The following HRNR variants were observed in gnomAD, a reference collection of about 807,000 sequenced individuals.
The protein encoded by HRNR is filaggrin family member 3.
A neutral mutation model predicts 4.8 loss-of-function variants in HRNR; 7 were observed. The observed-to-expected ratio is 1.47, with a 90% confidence interval of 0.83 to 2.75. The LOEUF is 2.75. HRNR is among the 30% of genes most tolerant of loss of function. The pLI, the probability that HRNR is intolerant of heterozygous loss-of-function variation, is 0.00. For missense variants in HRNR, 2,879 were observed against 3,010.4 expected (o/e 0.96, Z 1.02); for synonymous variants, 1,023 against 1,242.7 (o/e 0.82, Z 3.72).
At position 152,213,121 on chromosome 1, in the gene HRNR, T is replaced by A. The variant is rs1648449190; in HGVS notation, c.8508A>T (p.Ser2836=). Residue 2836 remains serine (S), a synonymous_variant, in exon 3 of 3, where the codon TCA becomes TCT. Coordinates refer to ENST00000368801, the MANE Select transcript of HRNR (RefSeq NM_001009931.3). ...SYFLSFPSST[S]PYEYVQEQRC... ...TCTGCTCTTGGACATATTCATAGGG[T>A]GAAGTGCTACTAGGAAAACTGAGAA... The A allele has an allele frequency of 1.2e-6, 2 of 1,613,912 alleles. No individual in the cohort carries two copies. Among genetic ancestry groups the A allele is most frequent in the Non-Finnish European group, 1.7e-6 (2 of 1,179,978 alleles).
In HRNR at chr1:152,219,182, C is replaced by T. The variant is rs142633454; in HGVS notation, c.2447G>A (p.Gly816Asp). The T allele has an allele frequency of 2.7e-5, 44 of 1,613,864 alleles. No homozygotes were observed. Among genetic ancestry groups the T allele is most frequent in the Non-Finnish European group, 3.2e-5 (38 of 1,180,034 alleles). ...HYESGSGQAS[G>D]FGQHESGSGQ... Reference sequence around the variant, plus strand: ...TGAGCCAGACTCGTGTTGCCCAAAACCAGAAGCCTGGCCTGAGCCAGACTC... The same window carrying T: ...TGAGCCAGACTCGTGTTGCCCAAAATCAGAAGCCTGGCCTGAGCCAGACTC... The change falls in exon 3 of 3, where the codon GGT becomes GAT. Residue 816 changes from glycine to aspartate, a missense_variant. Around this residue, in one of 8 missense-constraint regions of HRNR, gnomAD observed 2,646 missense variants for 1,377.7 expected, o/e 1.92. Transcript: ENST00000368801.
In HRNR at chr1:152,219,120, G is replaced by T. The variant is rs1280570728; in HGVS notation, c.2509C>A (p.His837Asn). The T allele has an allele frequency of 1.9e-6, 3 of 1,613,606 alleles. No homozygotes were observed. The highest frequency in any genetic ancestry group is 2.5e-6 in the Non-Finnish European group (3 of 1,180,000). The change falls in exon 3 of 3, where the codon CAC (histidine) becomes AAC (asparagine). Residue 837 changes from histidine to asparagine, a missense_variant. This residue lies in a region of HRNR where 2,646 missense variants were observed against 1,377.7 expected (regional missense o/e 1.92). Coordinates refer to ENST00000368801, the MANE Select transcript of HRNR (RefSeq NM_001009931.3). ...CCATGTCGTCCCTGGCTAGAGAAGTGACCTGAGGCAGAACCATGCTGACTA... is the reference window on the plus strand; with the variant it reads ...CCATGTCGTCCCTGGCTAGAGAAGTTACCTGAGGCAGAACCATGCTGACTA... The part of the protein sequence containing the change: ...GYSQHGSASG[H>N]FSSQGRHGST...
Position 152,219,064 on chromosome 1 carries a change from G to T in HRNR, c.2565C>A (p.Gly855=), listed in dbSNP as rs763111366. The part of the protein sequence containing the change: ...GSTSGQSSSS[G]QHDSSSGQSS... The stretch of plus-strand genomic sequence containing the variant: ...ATTGACCTGAGCTAGAGTCATGTTG[G>T]CCGGAGCTTGATGACTGCCCTGACG... Residue 855 remains glycine, a synonymous_variant, in exon 3 of 3, where the codon GGC becomes GGA. Transcript: ENST00000368801. 1.1e-5 allele frequency: 18 copies of T among 1,610,612 alleles called. No homozygotes were observed. The highest frequency in any genetic ancestry group is 1.4e-5 in the African/African-American group (1 of 73,666).
rs4845744 is a variant in HRNR at position 152,212,619 on chromosome 1, T to A, written c.*457A>T. ...TACCAAAAATTGGGACACACCAAAC[T>A]TGGGGCACACTAAAAATTAGGGTAC... On this transcript the variant is annotated 3_prime_UTR_variant, in exon 3 of 3. Transcript: ENST00000368801. 125,622 of 171,676 alleles carry A rather than the reference T, an allele frequency of 0.73. 47,436 individuals carry two copies. The highest frequency in any genetic ancestry group is 0.85 in the Non-Finnish European group (67,642 of 79,952). 10.6% of individuals were successfully genotyped at this position (171,676 alleles called of 1,614,324 possible). A position where few individuals can be genotyped will look rare whatever the true frequency, so the allele number is the denominator to read the frequency against.
In HRNR at chr1:152,219,989, C is replaced by G. The variant is rs769962080; in HGVS notation, c.1640G>C (p.Arg547Pro). The part of the protein sequence containing the change: ...SGQSPSPSRG[R>P]HESGSRQSSS... ...AGACTGCCTGGAACCAGACTCATGT[C>G]GGCCACGGCTAGGGCTAGGAGACTG... The change falls in exon 3 of 3, where the codon CGA becomes CCA. Residue 547 changes from arginine (R) to proline (P), a missense_variant. Arg to Pro is a moderately radical substitution (Grantham distance 103). Transcript: ENST00000368801. 2 of 1,613,578 alleles carry G rather than the reference C, an allele frequency of 1.2e-6. No homozygotes were observed. Among genetic ancestry groups the G allele is most frequent in the South Asian group, 2.2e-5 (2 of 91,062 alleles).
At position 152,221,360 on chromosome 1, in the gene HRNR, C is replaced by T; in HGVS notation, c.269G>A (p.Gly90Asp). The T allele has an allele frequency of 1.2e-6, 2 of 1,613,972 alleles. No individual in the cohort carries two copies. The highest frequency in any genetic ancestry group is 1.7e-6 in the Non-Finnish European group (2 of 1,180,020). The change falls in exon 3 of 3, where the codon GGC (glycine) becomes GAC (aspartate). Residue 90 changes from glycine to aspartate, a missense_variant. By Grantham distance (94) the Gly-to-Asp change is moderately conservative. This residue lies in a region of HRNR where 2,646 missense variants were observed against 1,377.7 expected (regional missense o/e 1.92). Transcript: ENST00000368801. ...CCCTGAAACTTGGCAGTAATCTTTGCCAATGATTTTATTACGAGCCTGAAC... is the reference window on the plus strand; with the variant it reads ...CCCTGAAACTTGGCAGTAATCTTTGTCAATGATTTTATTACGAGCCTGAAC... ...KLVQARNKII[G>D]KDYCQVSGSK...
rs1275846762 is a variant in HRNR at position 152,221,168 on chromosome 1, G to A, written c.461C>T (p.Ser154Phe). ...TTGAAAACTCAGTCTTCTGGATATGGATTCAGTCCCAGGTTTAAGACTTCC... is the reference window on the plus strand; with the variant it reads ...TTGAAAACTCAGTCTTCTGGATATGAATTCAGTCCCAGGTTTAAGACTTCC... The part of the protein sequence containing the change: ...VRGSLKPGTE[S>F]ISRRLSFQRD... The change falls in exon 3 of 3, where the codon TCC becomes TTC. Residue 154 changes from serine to phenylalanine, a missense_variant. Ser to Phe is a radical substitution (Grantham distance 155, BLOSUM62 -2). Around this residue, in one of 8 missense-constraint regions of HRNR, gnomAD observed 2,646 missense variants for 1,377.7 expected, o/e 1.92. Coordinates refer to ENST00000368801, the MANE Select transcript of HRNR (RefSeq NM_001009931.3). 1.2e-6 allele frequency: 2 copies of A among 1,614,084 alleles called. No individual in the cohort carries two copies. The highest frequency in any genetic ancestry group is 2.7e-5 in the African/African-American group (2 of 74,926).
At chr1:152,221,967 T>A (rs977137489) in intron 2 of HRNR, among the ~76,000 whole-genome samples, 2 of 152,096 alleles carry the variant, frequency 1.3e-5, no homozygotes, top group South Asian at 2.1e-4. Flanking sequence ...GAATTTAAAG[T>A]TTAGTTGGCC....
At position 152,220,908 on chromosome 1, in the gene HRNR, A is replaced by C; in HGVS notation, c.721T>G (p.Ser241Ala). Residue 241 changes from serine to alanine, a missense_variant, in exon 3 of 3, where the codon TCC (serine) becomes GCC (alanine). Physicochemically the swap from Ser to Ala is moderately conservative, Grantham distance 99. Coordinates refer to ENST00000368801, the MANE Select transcript of HRNR (RefSeq NM_001009931.3). Reference protein sequence around the residue: ...FSQHKSSSGQSSGYSQHGSGS... With the variant: ...FSQHKSSSGQASGYSQHGSGS... The stretch of plus-strand genomic sequence containing the variant: ...GATCCATGCTGACTGTAACCAGAGG[A>C]CTGCCCTGAGCTAGACTTGTGTTGA... 2.5e-6 allele frequency: 4 copies of C among 1,614,094 alleles called. No individual in the cohort carries two copies. The highest frequency in any genetic ancestry group is 1.7e-6 in the Non-Finnish European group (2 of 1,180,014).
Position 152,212,721 on chromosome 1 carries a change from G to T in HRNR, c.*355C>A. 3.6e-6 allele frequency: 1 copy of T among 280,222 alleles called. No individual in the cohort carries two copies. The highest frequency in any genetic ancestry group is 6.6e-6 in the Non-Finnish European group (1 of 151,816). 17.4% of individuals were successfully genotyped at this position (280,222 alleles called of 1,614,324 possible). On this transcript the variant is annotated 3_prime_UTR_variant, in exon 3 of 3. Transcript: ENST00000368801. ...AATATTTTGCTTCTAAGAAATGTAA[G>T]GTTAGCTTTGGCACCATCTATAAAT...
At position 152,220,916 on chromosome 1, in the gene HRNR, G is replaced by C. The variant is rs141051335; in HGVS notation, c.713C>G (p.Ser238Ter). Residue 238 changes from serine to a stop codon, truncating the protein, a stop_gained, in exon 3 of 3, where the codon TCA becomes TGA. Transcript: ENST00000368801. LOFTEE classifies it low-confidence loss of function (END_TRUNC). ...SSGFSQHKSS[S>*]GQSSGYSQHG... ...CTGACTGTAACCAGAGGACTGCCCT[G>C]AGCTAGACTTGTGTTGACTAAAGCC... 6.2e-7 allele frequency: 1 copy of C among 1,614,190 alleles called. No individual in the cohort carries two copies. Among genetic ancestry groups the C allele is most frequent in the Non-Finnish European group, 8.5e-7 (1 of 1,180,036 alleles).
In HRNR at chr1:152,219,216, C is replaced by T; in HGVS notation, c.2413G>A (p.Gly805Ser). 1.9e-6 allele frequency: 3 copies of T among 1,613,866 alleles called. No individual in the cohort carries two copies. The highest frequency in any genetic ancestry group is 2.5e-6 in the Non-Finnish European group (3 of 1,179,908). Residue 805 changes from glycine (G) to serine (S), a missense_variant, in exon 3 of 3, where the codon GGC becomes AGC. By Grantham distance (56) the Gly-to-Ser change is moderately conservative. Coordinates refer to ENST00000368801, the MANE Select transcript of HRNR (RefSeq NM_001009931.3). ...GSGTSCSSSC[G>S]HYESGSGQAS... ...TGGCCTGAGCCAGACTCATAATGGC[C>T]ACAGCTGGAAGAACAACTTGTGCCA...
rs143475453 is a variant in HRNR at position 152,219,304 on chromosome 1, A to C, written c.2325T>G (p.Ser775=). The C allele has an allele frequency of 2.5e-3, 3,957 of 1,612,742 alleles. 75 individuals carry two copies. The highest frequency in any genetic ancestry group is 6.7e-4 in the Non-Finnish European group (787 of 1,179,792). Residue 775 remains serine, a synonymous_variant, in exon 3 of 3, where the codon TCT becomes TCG. Transcript: ENST00000368801. ...TGGACCCATGTCGGACACGGCTAGG[A>C]GAGTGGCCAGATCCAGACCCTTGTC... ...HGRQGSGSGH[S]PSRVRHGSSS...
In HRNR at chr1:152,212,104, A is replaced by G. The variant is rs1648405765; in HGVS notation, c.*972T>C. 1 of 152,230 alleles carries G rather than the reference A, an allele frequency of 6.6e-6. No homozygotes were observed. The highest frequency in any genetic ancestry group is 1.5e-5 in the Non-Finnish European group (1 of 68,042). 9.4% of individuals were successfully genotyped at this position (152,230 alleles called of 1,614,324 possible). ...TTTAATCAACATTTATTTATTGTCA[A>G]TTTTAATACAATCCGGTTGTTTGAA... On this transcript the variant is annotated 3_prime_UTR_variant, in exon 3 of 3. Coordinates refer to ENST00000368801, the MANE Select transcript of HRNR (RefSeq NM_001009931.3).
Position 152,219,113 on chromosome 1 carries a change from G to A in HRNR, c.2516C>T (p.Ser839Phe). ...SQHGSASGHF[S>F]SQGRHGSTSG... ...CGTAGATCCATGTCGTCCCTGGCTA[G>A]AGAAGTGACCTGAGGCAGAACCATG... The change falls in exon 3 of 3, where the codon TCT becomes TTT. Residue 839 changes from serine to phenylalanine, a missense_variant. Ser to Phe is a radical substitution (Grantham distance 155). Around this residue, in one of 8 missense-constraint regions of HRNR, gnomAD observed 2,646 missense variants for 1,377.7 expected, o/e 1.92. Coordinates refer to ENST00000368801, the MANE Select transcript of HRNR (RefSeq NM_001009931.3). 4 of 1,613,994 alleles carry A rather than the reference G, an allele frequency of 2.5e-6. No individual in the cohort carries two copies. Among genetic ancestry groups the A allele is most frequent in the Non-Finnish European group, 3.4e-6 (4 of 1,180,026 alleles).
In HRNR at chr1:152,213,222, T is replaced by A. The variant is rs375433421; in HGVS notation, c.8407A>T (p.Ser2803Cys). 4 of 1,614,152 alleles carry A rather than the reference T, an allele frequency of 2.5e-6. No individual in the cohort carries two copies. The highest frequency in any genetic ancestry group is 1.1e-5 in the South Asian group (1 of 91,080). ...GAATACCCATCTTGCCCTGAGCCAC[T>A]TCCATGCTGACTATAACCAGAGGAC... ...GQSSGYSQHG[S>C]GSGQDGYSYC... is the part of the protein sequence containing the mutation. The change falls in exon 3 of 3, where the codon AGT becomes TGT. Residue 2803 changes from serine to cysteine, a missense_variant. Physicochemically the swap from Ser to Cys is moderately radical, Grantham distance 112. Coordinates refer to ENST00000368801, the MANE Select transcript of HRNR (RefSeq NM_001009931.3).
At position 152,220,457 on chromosome 1, in the gene HRNR, C is replaced by T. The variant is rs1396079115; in HGVS notation, c.1172G>A (p.Gly391Asp). 1.9e-6 allele frequency: 3 copies of T among 1,613,704 alleles called. No homozygotes were observed. Among genetic ancestry groups the T allele is most frequent in the Non-Finnish European group, 1.7e-6 (2 of 1,179,936 alleles). Residue 391 changes from glycine to aspartate, a missense_variant, in exon 3 of 3, where the codon GGC (glycine) becomes GAC (aspartate). By Grantham distance (94) the Gly-to-Asp change is moderately conservative (BLOSUM62 -1). Transcript: ENST00000368801. The stretch of plus-strand genomic sequence containing the variant: ...GCTGGAAGACTGACGTGAGCTGGAG[C>T]CATGTTGGCCAGAGCTTGATGCCTG... ...SGQASSSGQH[G>D]SSSRQSSSYG...
At chr1:152,223,369 C>T in intron 1 of HRNR, 91 bp from the exon 2 acceptor site, 2 of 708,696 alleles carry the variant, frequency 2.8e-6, no homozygotes, top group South Asian at 2.1e-5. Context: ...AATAATTGTT[C>T]AGAATTAGTC....
In HRNR at chr1:152,220,334, C is replaced by T. The variant is rs775708273; in HGVS notation, c.1295G>A (p.Gly432Glu). The part of the protein sequence containing the change: ...QSPGHGQRGS[G>E]SGQSPSSGQH... ...GCCGGAGCTGGGAGACTGCCCTGACCCAGACCCACGCTGGCCGTGGCCTGG... is the reference window on the plus strand; with the variant it reads ...GCCGGAGCTGGGAGACTGCCCTGACTCAGACCCACGCTGGCCGTGGCCTGG... Residue 432 changes from glycine to glutamate, a missense_variant, in exon 3 of 3, where the codon GGG becomes GAG. Gly to Glu is a moderately conservative substitution (Grantham distance 98). Transcript: ENST00000368801. 5.6e-6 allele frequency: 9 copies of T among 1,613,080 alleles called. No individual in the cohort carries two copies. The highest frequency in any genetic ancestry group is 5.5e-5 in the South Asian group (5 of 90,666).
Sources: allele counts gnomAD v4.1 joint callset (sites outside exome capture counted in the v4.1 genomes callset), GRCh38; gene constraint gnomAD v4.1.1; regional missense constraint gnomAD v4.1.1; transcripts MANE v1.5; gene names NCBI Gene and HGNC (gene_info 2026-07-23, HGNC 2026-07-21).